Variants in ZNF207 observed in about 807,000 individuals in gnomAD.
ZNF207 encodes the protein BUB3-interacting and GLEBS motif-containing protein ZNF207.
Under a neutral mutation model 60.2 loss-of-function variants are expected in ZNF207, and 24 were observed. The observed-to-expected ratio is 0.40, with a 90% CI of 0.29 to 0.56. The LOEUF (loss-of-function observed/expected upper bound fraction) is 0.56, where lower values mean the gene tolerates loss of function less well. Among genes scored for constraint, ZNF207 ranks in the 20% least tolerant of loss-of-function variants. ZNF207 has a pLI of 0.49. For synonymous variants in ZNF207, 236 were observed against 194.7 expected (o/e 1.21, Z -1.77); for missense variants, 452 against 636.6 (o/e 0.71, Z 3.12).
In ZNF207 at chr17:32,365,493, G is replaced by A; in HGVS notation, c.828+6G>A. ...TTTTCCCCAGTGCTGGACAGGTAAG[G>A]TGAAAATCCTGAAAAGGAGTGCACT... On this transcript the variant is annotated splice_donor_region_variant and intron_variant, in intron 8 of 11. Coordinates refer to ENST00000394670, the MANE Select transcript of ZNF207 (RefSeq NM_001098507.2). 6.2e-7 allele frequency: 1 copy of A among 1,613,436 alleles called. No individual in the cohort carries two copies. The highest frequency in any genetic ancestry group is 8.5e-7 in the Non-Finnish European group (1 of 1,179,758).
chr17:32,366,679 C>G lies in ZNF207; in HGVS notation c.843C>G (p.Val281=). The part of the protein sequence containing the change: ...FPSAGQMGTP[V]TSSSTASSNS... Reference sequence around the variant, plus strand: ...TTATGCTACAGATGGGGACACCTGTCACAAGCTCAAGTACAGCTTCATCCA... The same window carrying G: ...TTATGCTACAGATGGGGACACCTGTGACAAGCTCAAGTACAGCTTCATCCA... The change falls in exon 9 of 12, where the codon GTC becomes GTG. Residue 281 remains valine, a synonymous_variant. Coordinates refer to ENST00000394670, the MANE Select transcript of ZNF207 (RefSeq NM_001098507.2). 1 of 1,608,544 alleles carries G rather than the reference C, an allele frequency of 6.2e-7. No homozygotes were observed. Among genetic ancestry groups the G allele is most frequent in the East Asian group, 2.3e-5 (1 of 44,398 alleles).
intron 10 of ZNF207, 149 bp from the exon 11 acceptor site, chr17:32,369,146 T>G: frequency 1.3e-6 from 1 of 750,036 alleles, no homozygotes; most frequent in Non-Finnish European, 2.1e-6. Flanking sequence ...AGTAGTTGGA[T>G]TGGTTTGTCT....
intron 2 of ZNF207, among the ~76,000 whole-genome samples, chr17:32,353,189 G>T (rs921789471): frequency 1.3e-5 from 2 of 152,026 alleles, no homozygotes; most frequent in Non-Finnish European, 2.9e-5. Flanking sequence ...TAATAATAAT[G>T]ACAATAATTT....
chr17:32,375,825 G>A lies in ZNF207; in HGVS notation c.*6066G>A, dbSNP rs781240062. On this transcript the variant is annotated 3_prime_UTR_variant, in exon 12 of 12. Coordinates refer to ENST00000394670, the MANE Select transcript of ZNF207 (RefSeq NM_001098507.2). ...TCTTCATTGTAACTTTTATGTAAAA[G>A]TCCTTTAAAAGGGGATTCAATTATA... 9.2e-5 allele frequency: 14 copies of A among 152,018 alleles called. No homozygotes were observed. Among genetic ancestry groups the A allele is most frequent in the Non-Finnish European group, 1.6e-4 (11 of 67,932 alleles). 9.4% of individuals were successfully genotyped at this position (152,018 alleles called of 1,614,324 possible).
intron 2 of ZNF207, among the ~76,000 whole-genome samples, chr17:32,355,458 A>C (rs527736851): frequency 6.6e-6 from 1 of 152,328 alleles, no homozygotes; most frequent in African/African-American, 2.4e-5. Context: ...AAGAATGAGA[A>C]TAAGGGAGTC....
In ZNF207 at chr17:32,365,475, C is replaced by T. The variant is rs1459197624; in HGVS notation, c.816C>T (p.Pro272=). ...CTCCAGTTACTAAGCCTCTTTTCCC[C>T]AGTGCTGGACAGGTAAGGTGAAAAT... ...PQPPVTKPLF[P]SAGQMGTPVT... The change falls in exon 8 of 12, where the codon CCC becomes CCT. Residue 272 remains proline (P), a synonymous_variant. Transcript: ENST00000394670. 2 of 1,614,004 alleles carry T rather than the reference C, an allele frequency of 1.2e-6. No homozygotes were observed. Among genetic ancestry groups the T allele is most frequent in the East Asian group, 4.5e-5 (2 of 44,864 alleles).
rs747132841 is a variant in ZNF207 at position 32,350,310 on chromosome 17, C to T, written c.25C>T (p.Leu9=). 2.5e-6 allele frequency: 4 copies of T among 1,614,154 alleles called. No individual in the cohort carries two copies. Among genetic ancestry groups the T allele is most frequent in the East Asian group, 2.2e-5 (1 of 44,890 alleles). The change falls in exon 1 of 12, where the codon CTG becomes TTG. Residue 9 remains leucine, a synonymous_variant. Transcript: ENST00000394670. MGRKKKKQ[L]KPWCWYCNRD... is the part of the protein sequence containing the mutation. ...TATGGGTCGCAAGAAGAAGAAGCAG[C>T]TGAAGCCGTGGTGCTGGTATCCTTT... is the stretch of plus-strand genomic sequence containing the variant.
chr17:32,353,002 C>T (rs1011045057), intron 2 of ZNF207, among the ~76,000 whole-genome samples: 4 of 152,190 alleles, frequency 2.6e-5, no homozygotes, highest in Non-Finnish European at 5.9e-5. Context: ...GGTGAAACCC[C>T]ATCTCTACTA....
chr17:32,373,097 A>G lies in ZNF207; in HGVS notation c.*3338A>G, dbSNP rs1905540665. 2 of 250,156 alleles carry G rather than the reference A, an allele frequency of 8.0e-6. No individual in the cohort carries two copies. Among genetic ancestry groups the G allele is most frequent in the Admixed American group, 5.3e-5 (1 of 18,894 alleles). 15.5% of individuals were successfully genotyped at this position (250,156 alleles called of 1,614,324 possible). A position where few individuals can be genotyped will look rare whatever the true frequency, so the allele number is the denominator to read the frequency against. ...ACTTGATTTGAATACTTAGTATTTT[A>G]GTAGTGTCTCACACATTTGCCATTA... On this transcript the variant is annotated 3_prime_UTR_variant, in exon 12 of 12. Coordinates refer to ENST00000394670, the MANE Select transcript of ZNF207 (RefSeq NM_001098507.2).
In ZNF207 at chr17:32,365,341, C is replaced by A. The variant is rs563056848; in HGVS notation, c.682C>A (p.Pro228Thr). Residue 228 changes from proline (P) to threonine (T), a missense_variant, in exon 8 of 12, where the codon CCT (proline) becomes ACT (threonine). This residue lies in a region of ZNF207 where 390 missense variants were observed against 461.4 expected (regional missense o/e 0.85). Coordinates refer to ENST00000394670, the MANE Select transcript of ZNF207 (RefSeq NM_001098507.2). ...MPGMPPGMPPPVPRPGIPPMT... is the reference protein window; with the variant it reads ...MPGMPPGMPPTVPRPGIPPMT... ...TTTCTTCTCTGCAGGTATGCCCCCACCTGTTCCACGTCCTGGAATTCCTCC... is the reference window on the plus strand; with the variant it reads ...TTTCTTCTCTGCAGGTATGCCCCCAACTGTTCCACGTCCTGGAATTCCTCC... 1 of 1,613,854 alleles carries A rather than the reference C, an allele frequency of 6.2e-7. No homozygotes were observed. Among genetic ancestry groups the A allele is most frequent in the African/African-American group, 1.3e-5 (1 of 75,022 alleles).
chr17:32,360,820 A>G (rs763714467), intron 4 of ZNF207, 55 bp downstream of exon 4: 6 of 1,612,102 alleles, frequency 3.7e-6, no homozygotes, highest in African/African-American at 1.3e-5. Flanking sequence ...TTGATATTGT[A>G]TCGAAGTATT....
Position 32,365,398 on chromosome 17 carries a change from G to A in ZNF207, c.739G>A (p.Gly247Ser). ...MTQAQAVSAPGILNRPPAPTA... is the reference protein window; with the variant it reads ...MTQAQAVSAPSILNRPPAPTA... ...TCAAGCACAGGCTGTTTCAGCGCCAGGTATTCTTAATAGACCACCTGCACC... is the reference window on the plus strand; with the variant it reads ...TCAAGCACAGGCTGTTTCAGCGCCAAGTATTCTTAATAGACCACCTGCACC... Residue 247 changes from glycine to serine, a missense_variant, in exon 8 of 12, where the codon GGT becomes AGT. Gly to Ser is a moderately conservative substitution (Grantham distance 56). Around this residue, in one of 2 missense-constraint regions of ZNF207, gnomAD observed 390 missense variants for 461.4 expected, o/e 0.85. Transcript: ENST00000394670. 1 of 1,614,052 alleles carries A rather than the reference G, an allele frequency of 6.2e-7. No individual in the cohort carries two copies. Among genetic ancestry groups the A allele is most frequent in the Non-Finnish European group, 8.5e-7 (1 of 1,180,008 alleles).
At chr17:32,351,756 CTG>C in intron 1 of ZNF207, 28 bp from the exon 2 acceptor site, 1 of 1,608,264 alleles carries the variant, frequency 6.2e-7, no homozygotes, top group South Asian at 1.1e-5. Flanking sequence ...CATCATTAGG[CTG>C]TCTTTGTGCC....
rs945065956 is a variant in ZNF207 at position 32,378,489 on chromosome 17, ACTC to A, written c.*8734_*8736del. The A allele has an allele frequency of 6.6e-6, 1 of 152,004 alleles. No homozygotes were observed. The highest frequency in any genetic ancestry group is 1.5e-5 in the Non-Finnish European group (1 of 67,904). The allele number at this position is 152,004 out of a possible 1,614,324, so 9.4% of individuals were successfully genotyped here. On this transcript the variant is annotated 3_prime_UTR_variant, in exon 12 of 12. Transcript: ENST00000394670. ...TTTAGCAACACTTGTAAATACAAGT[ACTC>A]CTCTATTTTTGTTCTTTTTTTGTAA...
rs566782760 is a variant in ZNF207 at position 32,379,804 on chromosome 17, A to T, written c.*10045A>T. The T allele has an allele frequency of 6.6e-6, 1 of 152,224 alleles. No individual in the cohort carries two copies. The highest frequency in any genetic ancestry group is 2.4e-5 in the African/African-American group (1 of 41,462). 9.4% of individuals were successfully genotyped at this position (152,224 alleles called of 1,614,324 possible). ...ACTGATTTCTGAGACCACGTATACC[A>T]GTGAAAATTAGCTTCTGAGTAAATT... On this transcript the variant is annotated 3_prime_UTR_variant, in exon 12 of 12. Coordinates refer to ENST00000394670, the MANE Select transcript of ZNF207 (RefSeq NM_001098507.2).
intron 1 of ZNF207, among the ~76,000 whole-genome samples, chr17:32,350,617 C>T (rs2041484436): frequency 6.6e-6 from 1 of 152,074 alleles, no homozygotes; most frequent in African/African-American, 2.4e-5. Context: ...GGACAGTGTC[C>T]CCTAGGGACT....
chr17:32,378,723 A>G lies in ZNF207; in HGVS notation c.*8964A>G, dbSNP rs976281933. The G allele has an allele frequency of 1.3e-5, 2 of 151,886 alleles. No homozygotes were observed. The highest frequency in any genetic ancestry group is 4.8e-5 in the African/African-American group (2 of 41,386). 9.4% of individuals were successfully genotyped at this position (151,886 alleles called of 1,614,324 possible). ...TTTTTTTTTTATTCTACCCGAGTTC[A>G]TTGTTGTTTGAACCATCCTCTAAAG... is the stretch of plus-strand genomic sequence containing the variant. On this transcript the variant is annotated 3_prime_UTR_variant, in exon 12 of 12. Transcript: ENST00000394670.
At chr17:32,361,945 A>G (rs1426493924) in intron 6 of ZNF207, among the ~76,000 whole-genome samples, 2 of 152,160 alleles carry the variant, frequency 1.3e-5, no homozygotes, top group Non-Finnish European at 2.9e-5. Flanking sequence ...AAATTGACCA[A>G]TTTATCATTT....
At position 32,365,233 on chromosome 17, in the gene ZNF207, G is replaced by T; in HGVS notation, c.671-97G>T. 2.3e-6 allele frequency: 3 copies of T among 1,297,058 alleles called. No homozygotes were observed. The South Asian group carries it at 4.4e-5, about 19-fold the overall frequency. The allele number at this position is 1,297,058 out of a possible 1,614,324, so 80.3% of individuals were successfully genotyped here. A position where few individuals can be genotyped will look rare whatever the true frequency, so the allele number is the denominator to read the frequency against. ...GTTCCTTGGATTTAGTCGAGTCATTGAGCAGTTAATTGTTAATAACTTTGT... is the reference window on the plus strand; with the variant it reads ...GTTCCTTGGATTTAGTCGAGTCATTTAGCAGTTAATTGTTAATAACTTTGT... On this transcript the variant is annotated intron_variant, in intron 7 of 11. Transcript: ENST00000394670.
Sources: gnomAD v4.1 joint callset for allele counts (sites outside exome capture counted in the v4.1 genomes callset) on GRCh38, gnomAD v4.1.1 for gene constraint, gnomAD v4.1.1 regional missense constraint, MANE v1.5 for transcripts, NCBI Gene and HGNC (gene_info 2026-07-23, HGNC 2026-07-21) for gene names.